Variants in PCDH15 observed in about 807,000 individuals in gnomAD.
PCDH15 encodes protocadherin-15.
A neutral mutation model predicts 178.5 loss-of-function variants in PCDH15; 129 were observed. The ratio of observed to expected loss-of-function variants is 0.72; its 90% CI spans 0.63 to 0.84. The LOEUF (loss-of-function observed/expected upper bound fraction) is 0.84. Ranked by LOEUF, PCDH15 falls within the 40% of genes least tolerant of loss-of-function variation. The probability of loss-of-function intolerance (pLI) is 0.00; values close to 1 mark genes in which losing one functional copy is unlikely to be tolerated. For synonymous variants in PCDH15, 800 were observed against 732.0 expected (o/e 1.09, Z -1.50); for missense variants, 2,230 against 2,099.9 (o/e 1.06, Z -1.21).
chr10:54,752,408 C>T (rs1462420616), intron 1 of PCDH15, among the ~76,000 whole-genome samples: 2 of 149,242 alleles, frequency 1.3e-5, no homozygotes. Flanking sequence ...ACCCGGGAGG[C>T]AGAGCTTGCA....
chr10:55,572,294 G>A (rs1842420233), intron 2 of PCDH15, among the ~76,000 whole-genome samples: 1 of 149,726 alleles, frequency 6.7e-6, no homozygotes, highest in Non-Finnish European at 1.5e-5. Flanking sequence ...ATTTATATTA[G>A]AGTATATAAA....
chr10:55,172,647 A>T (rs1383126897), intron 1 of PCDH15, among the ~76,000 whole-genome samples: 2 of 152,068 alleles, frequency 1.3e-5, no homozygotes, highest in Non-Finnish European at 2.9e-5. Context: ...GTATGTATTT[A>T]GTCATTACAT....
chr10:55,556,143 A>G (rs1354157367), intron 2 of PCDH15, among the ~76,000 whole-genome samples: 1 of 152,050 alleles, frequency 6.6e-6, no homozygotes, highest in Non-Finnish European at 1.5e-5. Context: ...TAATTACACC[A>G]TAATTTATTT....
chr10:55,337,624 T>TA (rs1390201047), intron 2 of PCDH15, among the ~76,000 whole-genome samples: 1 of 152,064 alleles, frequency 6.6e-6, no homozygotes, highest in Non-Finnish European at 1.5e-5. Flanking sequence ...TTGGATAGGG[T>TA]AAAAAAATTC....
chr10:55,260,376 AG>A (rs1381333700), intron 1 of PCDH15, among the ~76,000 whole-genome samples: 1 of 152,226 alleles, frequency 6.6e-6, no homozygotes, highest in African/African-American at 2.4e-5. Flanking sequence ...AAAGGAAGAT[AG>A]AGATGCTGGT....
chr10:54,216,044 GAAAAAA>G (rs10648282), intron 9 of PCDH15, among the ~76,000 whole-genome samples: 29 of 70,386 alleles, frequency 4.1e-4, no homozygotes, highest in Middle Eastern at 0.022. Context: ...CTCCGTCTCA[GAAAAAA>G]AAAAAAAAAA....
chr10:54,611,451 A>G (rs2092958273), intron 2 of PCDH15, among the ~76,000 whole-genome samples: 1 of 151,838 alleles, frequency 6.6e-6, no homozygotes, highest in Non-Finnish European at 1.5e-5. Flanking sequence ...TTCCCACTAT[A>G]AGCTTAAGTT....
chr10:53,816,356 GA>G (rs2076059279), intron 34 of PCDH15, 79 bp from the exon 35 acceptor site: 7 of 395,878 alleles, frequency 1.8e-5, no homozygotes, highest in East Asian at 7.2e-5. Context: ...GAGAAGAGAG[GA>G]AAAAAAGGCG....
At chr10:55,578,468 C>T (rs993602178) in intron 2 of PCDH15, among the ~76,000 whole-genome samples, 5 of 152,112 alleles carry the variant, frequency 3.3e-5, no homozygotes, top group Admixed American at 3.3e-4. Context: ...ATGCGCCCGC[C>T]TCCGCCTTCC....
intron 18 of PCDH15, among the ~76,000 whole-genome samples, chr10:54,036,707 C>G (rs1355261272): frequency 6.6e-6 from 1 of 151,918 alleles, no homozygotes; most frequent in African/African-American, 2.4e-5. Context: ...AACTTCCACT[C>G]TGCAGCTCAT....
rs187635997 is a variant in PCDH15, at chr10:55,438,788, T to G, written c.-156+188837A>C. 1.4e-4 allele frequency among the ~76,000 whole-genome samples: 22 copies of G among 151,982 alleles called. No individual in the cohort carries two copies. In the East Asian group the frequency reaches 2.7e-3, roughly 19 times the overall value. On this transcript the variant is annotated intron_variant, in intron 2 of 5. Coordinates refer to the PCDH15 transcript ENST00000613346. The stretch of plus-strand genomic sequence containing the variant: ...AACAAAATTAATATTTTTGTTCTAT[T>G]AAAGAAATCCTTCCTGAAATGGGGT...
chr10:54,229,137 G>GA (rs1422165053), intron 9 of PCDH15, among the ~76,000 whole-genome samples: 1 of 152,152 alleles, frequency 6.6e-6, no homozygotes, highest in South Asian at 2.1e-4. Flanking sequence ...AACAGAGATG[G>GA]AAAAATCCCT....
At position 55,133,519 on chromosome 10, in the gene PCDH15, A is replaced by AAAACCATGTCT. The variant is rs1838108886; in HGVS notation, c.-80+33046_-80+33056dup. Among the ~76,000 whole-genome samples the AAAACCATGTCT allele has an allele frequency of 2.6e-5, 4 of 152,212 alleles. No homozygotes were observed. The South Asian group carries it at 8.3e-4, about 32-fold the overall frequency. The stretch of plus-strand genomic sequence containing the variant: ...ACAACCCATTCATCTCAGAGCTTTA[A>AAAACCATGTCT]AAACCATGTCTGTGGCTGATGAACC... On this transcript the variant is annotated intron_variant, in intron 2 of 5. Transcript: ENST00000458638.
At chr10:55,145,747 C>A (rs1838489252) in intron 2 of PCDH15, among the ~76,000 whole-genome samples, 1 of 137,964 alleles carries the variant, frequency 7.2e-6, no homozygotes, top group Admixed American at 8.0e-5. Context: ...TCAACAATTT[C>A]CTAAATCAGA....
At chr10:54,643,887 A>G (rs1053277266) in intron 2 of PCDH15, among the ~76,000 whole-genome samples, 2 of 149,510 alleles carry the variant, frequency 1.3e-5, no homozygotes, top group African/African-American at 4.9e-5. Flanking sequence ...TTACATATGT[A>G]TACATGTGCC....
chr10:55,348,637 C>T (rs1470876297), intron 2 of PCDH15, among the ~76,000 whole-genome samples: 1 of 152,116 alleles, frequency 6.6e-6, no homozygotes, highest in Non-Finnish European at 1.5e-5. Flanking sequence ...TATAAGAAGA[C>T]TATCTTGGTA....
chr10:54,952,798 C>T (rs118058761), intron 2 of PCDH15, among the ~76,000 whole-genome samples: 5,885 of 151,516 alleles, frequency 0.039, 157 homozygotes, highest in Non-Finnish European at 0.061. Flanking sequence ...TCTAATTTTT[C>T]GTTACTGGCA....
chr10:54,492,622 A>G (rs1018672701), intron 3 of PCDH15, among the ~76,000 whole-genome samples: 3 of 152,176 alleles, frequency 2.0e-5, no homozygotes, highest in Non-Finnish European at 4.4e-5. Context: ...CATTCTGAGT[A>G]GCATGATAAA....
Position 53,857,528 on chromosome 10 carries a change from T to A in PCDH15, c.3718-265A>T, listed in dbSNP as rs570475729. Among the ~76,000 whole-genome samples, 242 of 152,124 alleles carry A rather than the reference T, an allele frequency of 1.6e-3. 1 individual carries two copies. The highest frequency in any genetic ancestry group is 2.5e-3 in the Non-Finnish European group (167 of 68,002). On this transcript the variant is annotated intron_variant, in intron 27 of 37. Coordinates refer to ENST00000644397, the MANE Select transcript of PCDH15 (RefSeq NM_001384140.1). Reference sequence around the variant, plus strand: ...GTGATTTCAATTGTTTTTGGTTATGTGTTTGTTTTATTGGTTATTTACTGA... The same window carrying A: ...GTGATTTCAATTGTTTTTGGTTATGAGTTTGTTTTATTGGTTATTTACTGA...
Sources: allele counts gnomAD v4.1 joint callset (sites outside exome capture counted in the v4.1 genomes callset), GRCh38; gene constraint gnomAD v4.1.1; transcripts MANE v1.5; gene names NCBI Gene and HGNC (gene_info 2026-07-23, HGNC 2026-07-21).